Variants in MAP2K5 observed in about 807,000 individuals in gnomAD.
MAP2K5 encodes dual specificity mitogen-activated protein kinase kinase 5.
A neutral mutation model predicts 83.1 loss-of-function variants in MAP2K5; 49 were observed. The ratio of observed to expected loss-of-function variants is 0.59; its 90% CI spans 0.47 to 0.75. The LOEUF (loss-of-function observed/expected upper bound fraction) is 0.75. Among genes scored for constraint, MAP2K5 ranks in the 30% least tolerant of loss-of-function variants. The probability of loss-of-function intolerance (pLI) is 0.00; values close to 1 mark genes in which losing one functional copy is unlikely to be tolerated. For missense variants in MAP2K5, 457 were observed against 557.5 expected (o/e 0.82, Z 1.82); for synonymous variants, 202 against 191.8 (o/e 1.05, Z -0.44).
At position 67,561,332 on chromosome 15, in the gene MAP2K5, AT is replaced by A. The variant is rs2084732336; in HGVS notation, c.185-1950del. The stretch of plus-strand genomic sequence containing the variant: ...TTGAAAATATTAGTTTCTAGAACTT[AT>A]ATATAGACAGACTCCTTTCTTCTCT... On this transcript the variant is annotated intron_variant, in intron 2 of 21. Transcript: ENST00000178640. The surrounding 1 kb of genome is among the most constrained non-coding windows in gnomAD (Gnocchi z 4.2). Among the ~76,000 whole-genome samples, 1 of 152,198 alleles carries A rather than the reference AT, an allele frequency of 6.6e-6. No homozygotes were observed. Among genetic ancestry groups the A allele is most frequent in the Non-Finnish European group, 1.5e-5 (1 of 68,028 alleles).
rs890176214 is a variant in MAP2K5, at chr15:67,572,198, T to G, written c.253-8556T>G. Reference sequence around the variant, plus strand: ...AAGAACAGTGTGTTTAAAGAATGCCTGGTGAGTCAGTAGGAGCTGCCTGTG... The same window carrying G: ...AAGAACAGTGTGTTTAAAGAATGCCGGGTGAGTCAGTAGGAGCTGCCTGTG... On this transcript the variant is annotated intron_variant, in intron 3 of 21. Transcript: ENST00000178640. The surrounding 1 kb of genome is among the most constrained non-coding windows in gnomAD (Gnocchi z 4.2). Among the ~76,000 whole-genome samples, 1 of 152,036 alleles carries G rather than the reference T, an allele frequency of 6.6e-6. No homozygotes were observed. Among genetic ancestry groups the G allele is most frequent in the Non-Finnish European group, 1.5e-5 (1 of 67,988 alleles).
intron 13 of MAP2K5, chr15:67,670,466 GT>G: frequency 2.2e-6 from 1 of 455,396 alleles, no homozygotes; most frequent in South Asian, 1.6e-5. Context: ...ATTTTACTGT[GT>G]ATAAATTATG....
At chr15:67,597,452 G>A (rs1032686148) in intron 7 of MAP2K5, among the ~76,000 whole-genome samples, 5 of 152,180 alleles carry the variant, frequency 3.3e-5, no homozygotes, top group African/African-American at 1.2e-4. Context: ...GAAAGACTGA[G>A]TTTTTGACTA....
rs113743393 is a variant in MAP2K5, at chr15:67,761,065, G to A, written c.1135-8537G>A. Among the ~76,000 whole-genome samples the A allele has an allele frequency of 3.7e-3, 564 of 152,076 alleles. 4 individuals are homozygous for A. The highest frequency in any genetic ancestry group is 0.013 in the African/African-American group (540 of 41,492). ...GTGTTGCCTCCATTCCAGAATGGAG[G>A]CAGCATTCCAGGGAGTGTAAGTTCC... On this transcript the variant is annotated intron_variant, in intron 19 of 21. Transcript: ENST00000178640.
chr15:67,690,851 A>G lies in MAP2K5; in HGVS notation c.848-1628A>G, dbSNP rs1170334437. 6.6e-6 allele frequency among the ~76,000 whole-genome samples: 1 copy of G among 152,128 alleles called. No individual in the cohort carries two copies. Among genetic ancestry groups the G allele is most frequent in the Non-Finnish European group, 1.5e-5 (1 of 68,016 alleles). On this transcript the variant is annotated intron_variant, in intron 13 of 21. Coordinates refer to ENST00000178640, the MANE Select transcript of MAP2K5 (RefSeq NM_145160.3). The surrounding 1 kb of genome is among the most constrained non-coding windows in gnomAD (Gnocchi z 4.3). ...TCCCGGCCATGTATTAGTAAATTTA[A>G]TGTATCATATAAAAAGCCATTAATC...
At chr15:67,608,492 C>T (rs181893380) in intron 8 of MAP2K5, among the ~76,000 whole-genome samples, 9 of 152,198 alleles carry the variant, frequency 5.9e-5, no homozygotes, top group Admixed American at 3.9e-4. Context: ...TGCACAGGAC[C>T]CCACAGTCTG....
Position 67,777,138 on chromosome 15 carries a change from C to T in MAP2K5, c.1242+4386C>T, listed in dbSNP as rs533401561. On this transcript the variant is annotated intron_variant, in intron 21 of 21. Transcript: ENST00000178640. The surrounding 1 kb of genome is among the most constrained non-coding windows in gnomAD (Gnocchi z 6.0). ...GACTGTAGGGAGGGAAGTGTTCACT[C>T]AGCGGGAGAGTGCTTGCTTGAGGGT... 2.6e-5 allele frequency among the ~76,000 whole-genome samples: 4 copies of T among 152,270 alleles called. No homozygotes were observed. The highest frequency in any genetic ancestry group is 9.6e-5 in the African/African-American group (4 of 41,552).
At chr15:67,776,557 A>G (rs1047569993) in intron 21 of MAP2K5, among the ~76,000 whole-genome samples, 1 of 152,234 alleles carries the variant, frequency 6.6e-6, no homozygotes, top group African/African-American at 2.4e-5. Context: ...AAATGTCAAT[A>G]ATCAAATGGA....
At chr15:67,674,485 C>G (rs1302152499) in intron 13 of MAP2K5, among the ~76,000 whole-genome samples, 1 of 152,114 alleles carries the variant, frequency 6.6e-6, no homozygotes, top group Non-Finnish European at 1.5e-5. Context: ...AAAAAAAAGA[C>G]TTAGCCCATT....
chr15:67,609,939 A>G (rs2085879941), intron 8 of MAP2K5, among the ~76,000 whole-genome samples: 1 of 151,968 alleles, frequency 6.6e-6, no homozygotes. Context: ...GTAGAGATGG[A>G]CAGGGCTTGA....
chr15:67,749,587 C>T lies in MAP2K5; in HGVS notation c.1134+986C>T, dbSNP rs909901962. On this transcript the variant is annotated intron_variant, in intron 19 of 21. Transcript: ENST00000178640. This position sits in a 1 kb window ranked among gnomAD's most constrained non-coding sequence, Gnocchi z 4.6. ...AAGATCCTCCTAGGAAAAAAATAAACACACACACACATATCACAATAATAG... is the reference window on the plus strand; with the variant it reads ...AAGATCCTCCTAGGAAAAAAATAAATACACACACACATATCACAATAATAG... Among the ~76,000 whole-genome samples, 2 of 151,986 alleles carry T rather than the reference C, an allele frequency of 1.3e-5. No homozygotes were observed. The highest frequency in any genetic ancestry group is 2.9e-5 in the Non-Finnish European group (2 of 67,986).
chr15:67,691,076 A>T (rs1332826243), intron 13 of MAP2K5, among the ~76,000 whole-genome samples: 3 of 152,228 alleles, frequency 2.0e-5, no homozygotes, highest in Non-Finnish European at 4.4e-5. Context: ...CTACAGAGAC[A>T]GGCTCTACAG....
At chr15:67,686,335 G>A (rs1384354698) in intron 13 of MAP2K5, among the ~76,000 whole-genome samples, 4 of 152,048 alleles carry the variant, frequency 2.6e-5, no homozygotes, top group African/African-American at 7.2e-5. Context: ...GGCCAGGCGC[G>A]ATGGCTCACA....
rs570681865 is a variant in MAP2K5 at position 67,756,073 on chromosome 15, C to T, written c.1134+7472C>T. On this transcript the variant is annotated intron_variant, in intron 19 of 21. Transcript: ENST00000178640. ...TCCCCCACACTAGGGCACAAAGGCC[C>T]TTTTCCTAGAGCTGTGGCTTGCCAC... Among the ~76,000 whole-genome samples the T allele has an allele frequency of 3.9e-5, 6 of 152,320 alleles. No homozygotes were observed. In the East Asian group the frequency reaches 9.6e-4, roughly 24 times the overall value.
Position 67,543,631 on chromosome 15 carries a change from C to T in MAP2K5, c.135+161C>T, listed in dbSNP as rs777111015. On this transcript the variant is annotated intron_variant, in intron 1 of 21. Transcript: ENST00000178640. The surrounding 1 kb of genome is among the most constrained non-coding windows in gnomAD (Gnocchi z 4.3). ...CAGGCACAGCATTGATAAATTGCAACCACTAAAACCTGGCAAATGTCTAGG... is the reference window on the plus strand; with the variant it reads ...CAGGCACAGCATTGATAAATTGCAATCACTAAAACCTGGCAAATGTCTAGG... Among the ~76,000 whole-genome samples the T allele has an allele frequency of 1.3e-5, 2 of 152,184 alleles. No homozygotes were observed. The highest frequency in any genetic ancestry group is 2.9e-5 in the Non-Finnish European group (2 of 68,030).
At chr15:67,610,899 A>C (rs1262817303) in intron 8 of MAP2K5, among the ~76,000 whole-genome samples, 3 of 152,222 alleles carry the variant, frequency 2.0e-5, no homozygotes, top group Non-Finnish European at 2.9e-5. Context: ...GTATGGCAAA[A>C]AGAAAGAGAG....
chr15:67,624,655 G>T (rs902470472), intron 8 of MAP2K5, among the ~76,000 whole-genome samples: 12 of 148,280 alleles, frequency 8.1e-5, no homozygotes, highest in Non-Finnish European at 1.6e-4. Context: ...GTTTGACGGA[G>T]TTTCGCTCTT....
At position 67,790,381 on chromosome 15, in the gene MAP2K5, G is replaced by A. The variant is rs1467884878; in HGVS notation, c.1243-16265G>A. Among the ~76,000 whole-genome samples the A allele has an allele frequency of 6.6e-6, 1 of 152,110 alleles. No individual in the cohort carries two copies. The highest frequency in any genetic ancestry group is 2.4e-5 in the African/African-American group (1 of 41,400). ...TGAGTGTGAGGTCTTTCCACAGAGC[G>A]CCCAAGGTCCCATTGCATTATATCA... On this transcript the variant is annotated intron_variant, in intron 21 of 21. Coordinates refer to ENST00000178640, the MANE Select transcript of MAP2K5 (RefSeq NM_145160.3). This position sits in a 1 kb window ranked among gnomAD's most constrained non-coding sequence, Gnocchi z 4.6.
chr15:67,614,383 AT>A (rs1376583105), intron 8 of MAP2K5, among the ~76,000 whole-genome samples: 6 of 152,306 alleles, frequency 3.9e-5, no homozygotes, highest in African/African-American at 1.4e-4. Flanking sequence ...TTGGAAAGTA[AT>A]TTATTGTTAG....
Sources: gnomAD v4.1 joint callset for allele counts (sites outside exome capture counted in the v4.1 genomes callset) on GRCh38, gnomAD v4.1.1 for gene constraint, Gnocchi (gnomAD v3.1) non-coding constraint, MANE v1.5 for transcripts, NCBI Gene and HGNC (gene_info 2026-07-23, HGNC 2026-07-21) for gene names.